Variants in TENM4 observed in about 807,000 individuals in gnomAD.
TENM4 encodes teneurin transmembrane protein 4.
Under a neutral mutation model 243.3 loss-of-function variants are expected in TENM4, and 82 were observed. The observed-to-expected ratio is 0.34, with a 90% CI of 0.28 to 0.40. The LOEUF (loss-of-function observed/expected upper bound fraction) is 0.40, where lower values mean the gene tolerates loss of function less well. Among genes scored for constraint, TENM4 ranks in the 10% least tolerant of loss-of-function variants. TENM4 has a pLI of 1.00. For missense variants in TENM4, 3,138 were observed against 3,673.3 expected (o/e 0.85, Z 3.77); for synonymous variants, 1,412 against 1,456.3 (o/e 0.97, Z 0.69).
At chr11:78,913,681 G>T (rs1591124661) in intron 6 of TENM4, among the ~76,000 whole-genome samples, 1 of 151,706 alleles carries the variant, frequency 6.6e-6, no homozygotes, top group East Asian at 1.9e-4. Flanking sequence ...TGATGGAGCG[G>T]ATAAGCAGCT....
chr11:79,188,752 G>T (rs959279476), intron 3 of TENM4, among the ~76,000 whole-genome samples: 2 of 152,038 alleles, frequency 1.3e-5, no homozygotes, highest in Non-Finnish European at 2.9e-5. Context: ...ATGAGAAGGG[G>T]CTGGGGTCTG....
chr11:78,816,009 C>A (rs1857597781), intron 12 of TENM4, among the ~76,000 whole-genome samples: 1 of 152,178 alleles, frequency 6.6e-6, no homozygotes, highest in South Asian at 2.1e-4. Context: ...GTATAGGATC[C>A]CCCAACTTCC....
At chr11:78,843,464 G>T (rs928467476) in intron 12 of TENM4, among the ~76,000 whole-genome samples, 2 of 152,000 alleles carry the variant, frequency 1.3e-5, no homozygotes, top group African/African-American at 4.8e-5. Context: ...TCCAGCCTGG[G>T]TGACAAAGCA....
At chr11:79,191,604 G>A (rs1863494001) in intron 3 of TENM4, 1 of 173,220 alleles carries the variant, frequency 5.8e-6, no homozygotes, top group Non-Finnish European at 1.2e-5. Context: ...TGGGATGTGA[G>A]GAGCCCCTCT....
intron 6 of TENM4, among the ~76,000 whole-genome samples, chr11:78,930,019 G>GT (rs955170570): frequency 6.6e-6 from 1 of 152,150 alleles, no homozygotes; most frequent in Non-Finnish European, 1.5e-5. Flanking sequence ...TTTACCATGG[G>GT]TGCTTTACAG....
At chr11:78,849,629 G>A (rs1858484694) in intron 12 of TENM4, among the ~76,000 whole-genome samples, 1 of 152,184 alleles carries the variant, frequency 6.6e-6, no homozygotes, top group East Asian at 1.9e-4. Context: ...AGAAGTAAGT[G>A]ATACCAAAAA....
intron 19 of TENM4, among the ~76,000 whole-genome samples, chr11:78,739,938 G>A (rs371398555): frequency 6.6e-6 from 1 of 152,152 alleles, no homozygotes; most frequent in East Asian, 1.9e-4. Context: ...CACCACTCCA[G>A]GTCCCACTCT....
intron 6 of TENM4, among the ~76,000 whole-genome samples, chr11:79,062,953 TC>T (rs1860139632): frequency 6.6e-6 from 1 of 152,038 alleles, no homozygotes; most frequent in Admixed American, 6.5e-5. Context: ...AGAGGGAAAC[TC>T]CTCTGGTACT....
chr11:78,903,170 T>G (rs1292959934), intron 7 of TENM4, 98 bp downstream of exon 7: 64 of 1,395,424 alleles, frequency 4.6e-5, no homozygotes, highest in Non-Finnish European at 5.7e-5. Flanking sequence ...CCGGCCGGCG[T>G]TATCTGGGGA....
intron 6 of TENM4, among the ~76,000 whole-genome samples, chr11:79,039,241 G>C (rs1859458979): frequency 6.6e-6 from 1 of 152,206 alleles, no homozygotes; most frequent in South Asian, 2.1e-4. Context: ...TGCAGCATCT[G>C]TGCCTGGTGC....
intron 6 of TENM4, among the ~76,000 whole-genome samples, chr11:78,996,698 C>T (rs754106800): frequency 2.0e-5 from 3 of 152,114 alleles, no homozygotes; most frequent in African/African-American, 7.2e-5. Context: ...GCTTTGGGGC[C>T]TAGGAATCAA....
chr11:79,144,037 T>C (rs185332175), intron 4 of TENM4, among the ~76,000 whole-genome samples: 95 of 152,122 alleles, frequency 6.2e-4, no homozygotes, highest in African/African-American at 2.2e-3. Flanking sequence ...GAGAAAATGT[T>C]TACCAACTAT....
intron 1 of TENM4, among the ~76,000 whole-genome samples, chr11:79,308,189 G>C (rs984187726): frequency 1.3e-5 from 2 of 152,218 alleles, no homozygotes; most frequent in African/African-American, 4.8e-5. Context: ...TAGAGATCAA[G>C]GGCCTTCGCC....
intron 3 of TENM4, among the ~76,000 whole-genome samples, chr11:79,183,357 T>C (rs1246602535): frequency 6.6e-6 from 1 of 152,184 alleles, no homozygotes; most frequent in African/African-American, 2.4e-5. Context: ...AGCAAGACTT[T>C]GGAGACAGTG....
intron 2 of TENM4, among the ~76,000 whole-genome samples, chr11:79,252,191 C>T (rs567834): frequency 6.6e-6 from 1 of 152,066 alleles, no homozygotes; most frequent in East Asian, 1.9e-4. Flanking sequence ...AAGCAGCACA[C>T]GGTTTAACAG....
In TENM4 at chr11:78,658,438, C is replaced by T. The variant is rs776302209; in HGVS notation, c.7930G>A (p.Gly2644Arg). ...LSGGRRTLEN[G>R]VNVTVSQINT... is the part of the protein sequence containing the mutation. ...ATCTGGGACACAGTGACGTTGACCCCATTCTCCAGGGTTCGCCGCCCCCCA... is the reference window on the plus strand; with the variant it reads ...ATCTGGGACACAGTGACGTTGACCCTATTCTCCAGGGTTCGCCGCCCCCCA... The change falls in exon 34 of 34, where the codon GGG becomes AGG. Residue 2644 changes from glycine to arginine, a missense_variant. Gly to Arg is a moderately radical substitution (Grantham distance 125, BLOSUM62 -2). This residue lies in a region of TENM4 where 2,467 missense variants were observed against 3,059.1 expected (regional missense o/e 0.81). Transcript: ENST00000278550. 2.4e-5 allele frequency: 38 copies of T among 1,613,760 alleles called. No individual in the cohort carries two copies. The highest frequency in any genetic ancestry group is 3.3e-4 in the Middle Eastern group (2 of 6,084).
chr11:79,399,692 AAG>A (rs1491117964), intron 1 of TENM4, among the ~76,000 whole-genome samples: 3 of 152,202 alleles, frequency 2.0e-5, no homozygotes, highest in Non-Finnish European at 4.4e-5. Flanking sequence ...ATCAAAAAAA[AAG>A]AGAGAAACAG....
intron 6 of TENM4, among the ~76,000 whole-genome samples, chr11:79,006,619 A>G (rs1174457199): frequency 2.0e-5 from 3 of 152,226 alleles, no homozygotes; most frequent in African/African-American, 7.2e-5. Flanking sequence ...CCAAAGCCAC[A>G]TAGGGTGCAT....
At chr11:78,720,435 G>A (rs1234553955) in intron 24 of TENM4, 45 bp from the exon 25 acceptor site, 2 of 1,609,658 alleles carry the variant, frequency 1.2e-6, no homozygotes, top group South Asian at 1.1e-5. Context: ...AGAATGAGGT[G>A]TTAGCAGCAG....
Sources: allele counts gnomAD v4.1 joint callset (sites outside exome capture counted in the v4.1 genomes callset), GRCh38; gene constraint gnomAD v4.1.1; regional missense constraint gnomAD v4.1.1; transcripts MANE v1.5; gene names NCBI Gene and HGNC (gene_info 2026-07-23, HGNC 2026-07-21).